PCDHGA4: variants seen among roughly 807,000 people sequenced by gnomAD.
The protein encoded by PCDHGA4 is protocadherin gamma-A4.
PCDHGA4 carries 38 observed loss-of-function variants against 54.6 expected under a neutral mutation model. That is an observed-to-expected ratio of 0.70 (90% CI 0.54 to 0.91). PCDHGA4 has a LOEUF of 0.91. PCDHGA4 is among the 40% of genes least tolerant of loss of function. The probability of loss-of-function intolerance (pLI) is 0.00; values close to 1 mark genes in which losing one functional copy is unlikely to be tolerated. For synonymous variants in PCDHGA4, 511 were observed against 512.9 expected (o/e 1.00, Z 0.05); for missense variants, 1,298 against 1,220.9 (o/e 1.06, Z -0.94).
chr5:141,414,434 C>T (rs774467993), intron 1 of PCDHGA4: 5 of 1,613,704 alleles, frequency 3.1e-6, no homozygotes, highest in Non-Finnish European at 3.4e-6. Context: ...GAACAGGTAT[C>T]CTCTTACAAT....
intron 1 of PCDHGA4, chr5:141,364,771 T>G: frequency 6.2e-7 from 1 of 1,614,002 alleles, no homozygotes; most frequent in Non-Finnish European, 8.5e-7. Flanking sequence ...AAAATGCGGC[T>G]GCAGGGACAC....
At chr5:141,404,096 G>C in intron 1 of PCDHGA4, 1 of 1,613,610 alleles carries the variant, frequency 6.2e-7, no homozygotes, top group Non-Finnish European at 8.5e-7. Flanking sequence ...GAATGGTCAA[G>C]TTGTCTGTTC....
chr5:141,438,617 TATATATATATATATATATACAC>T (rs1342425883), intron 1 of PCDHGA4, among the ~76,000 whole-genome samples: 18 of 37,162 alleles, frequency 4.8e-4, no homozygotes, highest in Admixed American at 2.0e-3. Flanking sequence ...TATATATATA[TATATATATATATATATATACAC>T]ACACACACAC....
At chr5:141,375,902 C>T (rs890373642) in intron 1 of PCDHGA4, 5 of 1,613,666 alleles carry the variant, frequency 3.1e-6, no homozygotes, top group African/African-American at 1.3e-5. Context: ...GCTGTCCTAC[C>T]GCCTGCTCAA....
chr5:141,499,054 TGAA>T (rs2099789231), intron 2 of PCDHGA4, among the ~76,000 whole-genome samples: 1 of 150,820 alleles, frequency 6.6e-6, no homozygotes, highest in Non-Finnish European at 1.5e-5. Context: ...GGAGAAAAAA[TGAA>T]GAAGACTTAC....
intron 1 of PCDHGA4, among the ~76,000 whole-genome samples, chr5:141,492,964 C>CT (rs2099745347): frequency 6.6e-6 from 1 of 152,354 alleles, no homozygotes; most frequent in Non-Finnish European, 1.5e-5. Context: ...ATCTGACACT[C>CT]TAACAAGTCC....
chr5:141,410,295 T>C (rs1043971768), intron 1 of PCDHGA4: 2 of 1,613,982 alleles, frequency 1.2e-6, no homozygotes, highest in East Asian at 2.2e-5. Context: ...GCCTTGGCCT[T>C]AATCTCAGTG....
At chr5:141,407,559 G>A (rs1210777840) in intron 1 of PCDHGA4, among the ~76,000 whole-genome samples, 1 of 151,834 alleles carries the variant, frequency 6.6e-6, no homozygotes, top group African/African-American at 2.4e-5. Context: ...TAGAACATAA[G>A]CTGAAAGATA....
chr5:141,374,078 C>A, intron 1 of PCDHGA4: 1 of 1,516,122 alleles, frequency 6.6e-7, no homozygotes, highest in Non-Finnish European at 8.8e-7. Flanking sequence ...TCCTAATAAG[C>A]CAGTAATGGC....
Position 141,372,509 on chromosome 5 carries a change from C to T in PCDHGA4, c.2514+14888C>T, listed in dbSNP as rs770630386. 11 of 1,614,056 alleles carry T rather than the reference C, an allele frequency of 6.8e-6. No homozygotes were observed. The South Asian group carries it at 9.9e-5, about 14-fold the overall frequency. On this transcript the variant is annotated intron_variant, in intron 1 of 3. Coordinates refer to ENST00000571252, the MANE Select transcript of PCDHGA4 (RefSeq NM_018917.4). Reference sequence around the variant, plus strand: ...CCTTGATCTCAGTGCTCTTCCTCCTCGCGGTGATTCTGGCAATCTCCCTGC... The same window carrying T: ...CCTTGATCTCAGTGCTCTTCCTCCTTGCGGTGATTCTGGCAATCTCCCTGC...
intron 1 of PCDHGA4, chr5:141,389,142 G>C (rs72790030): frequency 2.5e-6 from 4 of 1,613,970 alleles, no homozygotes; most frequent in African/African-American, 2.7e-5. Flanking sequence ...CAATATAACC[G>C]TTACGGCAAC....
chr5:141,360,576 G>A lies in PCDHGA4; in HGVS notation c.2514+2955G>A, dbSNP rs776110254. 1.9e-6 allele frequency: 3 copies of A among 1,613,810 alleles called. No homozygotes were observed. In the East Asian group the frequency reaches 6.7e-5, roughly 36 times the overall value. On this transcript the variant is annotated intron_variant, in intron 1 of 3. Coordinates refer to ENST00000571252, the MANE Select transcript of PCDHGA4 (RefSeq NM_018917.4). ...ATTTAAAAATTGGCGAATCCACTAA[G>A]CCAGGTACAACATTTCCACTTGACC...
intron 1 of PCDHGA4, among the ~76,000 whole-genome samples, chr5:141,386,678 G>A (rs1376452903): frequency 6.6e-6 from 1 of 152,012 alleles, no homozygotes; most frequent in African/African-American, 2.4e-5. Flanking sequence ...CATTTCAGAT[G>A]TACAATCACT....
chr5:141,432,362 C>T lies in PCDHGA4; in HGVS notation c.2515-62445C>T. On this transcript the variant is annotated intron_variant, in intron 1 of 3. Transcript: ENST00000571252. The surrounding 1 kb of genome is among the most constrained non-coding windows in gnomAD (Gnocchi z 6.0). ...AGACTTGCAAGTGAAAGTGATGGCG[C>T]GGGACAACGGGCACCCGCCCCTCAG... 2 of 1,614,218 alleles carry T rather than the reference C, an allele frequency of 1.2e-6. No homozygotes were observed. Among genetic ancestry groups the T allele is most frequent in the South Asian group, 2.2e-5 (2 of 91,082 alleles).
At chr5:141,447,149 T>C (rs2098528211) in intron 1 of PCDHGA4, among the ~76,000 whole-genome samples, 1 of 152,212 alleles carries the variant, frequency 6.6e-6, no homozygotes, top group African/African-American at 2.4e-5. Flanking sequence ...TTTGTTTTTG[T>C]TTTTGTTTAA....
Position 141,386,595 on chromosome 5 carries a change from A to AT in PCDHGA4, c.2514+28986dup, listed in dbSNP as rs373179212. On this transcript the variant is annotated intron_variant, in intron 1 of 3. Coordinates refer to ENST00000571252, the MANE Select transcript of PCDHGA4 (RefSeq NM_018917.4). ...CTCTGTACAATAGTGTGGGGGATAC[A>AT]TTTTTTTTTTTTGACATGGAGTCTC... Among the ~76,000 whole-genome samples, 373 of 146,122 alleles carry AT rather than the reference A, an allele frequency of 2.6e-3. 1 individual carries two copies. The highest frequency in any genetic ancestry group is 0.012 in the East Asian group (62 of 5,036).
Position 141,490,389 on chromosome 5 carries a change from T to C in PCDHGA4, c.2515-4418T>C, listed in dbSNP as rs1221410350. The C allele has an allele frequency of 6.2e-7, 1 of 1,614,174 alleles. No homozygotes were observed. Among genetic ancestry groups the C allele is most frequent in the African/African-American group, 1.3e-5 (1 of 75,040 alleles). On this transcript the variant is annotated intron_variant, in intron 1 of 3. Transcript: ENST00000571252. The surrounding 1 kb of genome is among the most constrained non-coding windows in gnomAD (Gnocchi z 5.4). The stretch of plus-strand genomic sequence containing the variant: ...GAGACCGGGACTCAGGTAGAAATGG[T>C]GAAGTGAGCCTTGATATCTCTCCGG...
intron 1 of PCDHGA4, chr5:141,430,796 C>T (rs1347347402): frequency 6.6e-6 from 10 of 1,522,232 alleles, no homozygotes; most frequent in Non-Finnish European, 8.8e-6. Flanking sequence ...CTACAAAGGG[C>T]TTGTCCTGCT....
rs1378140695 is a variant in PCDHGA4, at chr5:141,485,189, A to G, written c.2515-9618A>G. On this transcript the variant is annotated intron_variant, in intron 1 of 3. Transcript: ENST00000571252. The surrounding 1 kb of genome is among the most constrained non-coding windows in gnomAD (Gnocchi z 5.7). ...GGCGGCAGCAATGCTCCGCAAGGTGAGAAGCTGGACAGAAATCTGGCGGTG... is the reference window on the plus strand; with the variant it reads ...GGCGGCAGCAATGCTCCGCAAGGTGGGAAGCTGGACAGAAATCTGGCGGTG... 1 of 1,613,726 alleles carries G rather than the reference A, an allele frequency of 6.2e-7. No homozygotes were observed. The highest frequency in any genetic ancestry group is 1.7e-5 in the Admixed American group (1 of 60,020).
Sources: allele counts gnomAD v4.1 joint callset (sites outside exome capture counted in the v4.1 genomes callset), GRCh38; gene constraint gnomAD v4.1.1; non-coding constraint Gnocchi (gnomAD v3.1); transcripts MANE v1.5; gene names NCBI Gene and HGNC (gene_info 2026-07-23, HGNC 2026-07-21).